Variants in ABCC5 observed in about 807,000 individuals in gnomAD.
ABCC5 encodes ATP binding cassette subfamily C member 5.
Under a neutral mutation model 160.9 loss-of-function variants are expected in ABCC5, and 61 were observed. The observed-to-expected ratio is 0.38, with a 90% CI of 0.31 to 0.47. The LOEUF (loss-of-function observed/expected upper bound fraction) is 0.47, where lower values mean the gene tolerates loss of function less well. ABCC5 is among the 20% of genes least tolerant of loss of function. The pLI is 0.99. For synonymous variants in ABCC5, 666 were observed against 700.6 expected (o/e 0.95, Z 0.78); for missense variants, 1,308 against 1,813.3 (o/e 0.72, Z 5.06).
intron 17 of ABCC5, among the ~76,000 whole-genome samples, chr3:183,956,530 A>G (rs7633894): frequency 0.027 from 3,488 of 130,430 alleles, 66 homozygotes; most frequent in African/African-American, 0.039. Context: ...GGTTACATGC[A>G]GATCAGTGTG....
rs73884817 is a variant in ABCC5 at position 183,996,688 on chromosome 3, T to C, written c.130-7305A>G. Among the ~76,000 whole-genome samples, 284 of 152,340 alleles carry C rather than the reference T, an allele frequency of 1.9e-3. 1 individual carries two copies. The highest frequency in any genetic ancestry group is 6.6e-3 in the African/African-American group (273 of 41,582). The stretch of plus-strand genomic sequence containing the variant: ...TTAGAACAGGCACTCAGTGCAATTT[T>C]ATCCTAACAAACCCCCATAAAAGTG... On this transcript the variant is annotated intron_variant, in intron 2 of 29. Transcript: ENST00000334444.
In ABCC5 at chr3:183,967,679, A is replaced by G. The variant is rs772310365; in HGVS notation, c.1833+16T>C. On this transcript the variant is annotated intron_variant, in intron 12 of 29. Coordinates refer to ENST00000334444, the MANE Select transcript of ABCC5 (RefSeq NM_005688.4). ...CCAGAGAAAGCAGCAGAAAAGGACA[A>G]TAACAAAAATCTTACCTGGCCTAAA... 1 of 1,606,674 alleles carries G rather than the reference A, an allele frequency of 6.2e-7. No individual in the cohort carries two copies. The highest frequency in any genetic ancestry group is 1.3e-5 in the African/African-American group (1 of 74,716).
chr3:183,957,905 C>G (rs1716330661), intron 17 of ABCC5, among the ~76,000 whole-genome samples: 2 of 149,574 alleles, frequency 1.3e-5, no homozygotes, highest in Non-Finnish European at 3.0e-5. Flanking sequence ...CGGTTACATG[C>G]GGATCCGTGT....
Position 183,949,591 on chromosome 3 carries a change from A to C in ABCC5, c.3227+162T>G, listed in dbSNP as rs1267072061. ...CACTTGCTCAGAAAGGAGTCCCGCCAAGCAATTGGATTTTAATCAGAGATT... is the reference window on the plus strand; with the variant it reads ...CACTTGCTCAGAAAGGAGTCCCGCCCAGCAATTGGATTTTAATCAGAGATT... On this transcript the variant is annotated intron_variant, in intron 22 of 29. Transcript: ENST00000334444. The surrounding 1 kb of genome is among the most constrained non-coding windows in gnomAD (Gnocchi z 4.2). Among the ~76,000 whole-genome samples, 2 of 152,252 alleles carry C rather than the reference A, an allele frequency of 1.3e-5. No individual in the cohort carries two copies. Among genetic ancestry groups the C allele is most frequent in the Non-Finnish European group, 2.9e-5 (2 of 68,042 alleles).
chr3:183,955,912 A>G (rs916338783), intron 17 of ABCC5, among the ~76,000 whole-genome samples: 4 of 132,284 alleles, frequency 3.0e-5, no homozygotes, highest in South Asian at 2.5e-4. Context: ...ATATCACATC[A>G]GTTATATGCA....
intron 5 of ABCC5, 34 bp from the exon 6 acceptor site, chr3:183,983,041 T>A: frequency 6.5e-7 from 1 of 1,542,418 alleles, no homozygotes. Flanking sequence ...TGTCAACATC[T>A]CCACGGCACT....
chr3:184,014,235 G>A, intron 2 of ABCC5, 29 bp downstream of exon 2: 1 of 1,599,944 alleles, frequency 6.3e-7, no homozygotes. Flanking sequence ...CAACAAGCAG[G>A]TAAGAGACTC....
rs567130206 is a variant in ABCC5, at chr3:183,949,665, T to C, written c.3227+88A>G. ...TTGGTAATGAGGTTTATAATCCCCA[T>C]CTCTGGCCTTGAAGAGCCTCCCGGA... On this transcript the variant is annotated intron_variant, in intron 22 of 29. Transcript: ENST00000334444. The surrounding 1 kb of genome is among the most constrained non-coding windows in gnomAD (Gnocchi z 4.2). 2.7e-6 allele frequency: 4 copies of C among 1,499,628 alleles called. No individual in the cohort carries two copies. In the South Asian group the frequency reaches 3.8e-5, roughly 14 times the overall value. The allele number at this position is 1,499,628 out of a possible 1,614,324, so 92.9% of individuals were successfully genotyped here.
chr3:184,001,078 C>A (rs1720705617), intron 2 of ABCC5: 1 of 406,504 alleles, frequency 2.5e-6, no homozygotes, highest in Non-Finnish European at 4.4e-6. Flanking sequence ...CCCTCCAAAA[C>A]CCCATCACTA....
At position 183,971,933 on chromosome 3, in the gene ABCC5, T is replaced by A; in HGVS notation, c.1405-14A>T. 1.2e-6 allele frequency: 2 copies of A among 1,613,286 alleles called. No homozygotes were observed. Among genetic ancestry groups the A allele is most frequent in the Non-Finnish European group, 1.7e-6 (2 of 1,180,000 alleles). On this transcript the variant is annotated splice_polypyrimidine_tract_variant and intron_variant, in intron 10 of 29. Coordinates refer to ENST00000334444, the MANE Select transcript of ABCC5 (RefSeq NM_005688.4). Reference sequence around the variant, plus strand: ...TAGAAACAAACTCTGATAGGAGTTGTGAGAGAGGTGCAAAGATGAGACACT... The same window carrying A: ...TAGAAACAAACTCTGATAGGAGTTGAGAGAGAGGTGCAAAGATGAGACACT...
chr3:183,992,781 T>C (rs1266100419), intron 2 of ABCC5, among the ~76,000 whole-genome samples: 3 of 150,966 alleles, frequency 2.0e-5, no homozygotes, highest in Non-Finnish European at 4.4e-5. Context: ...AGAGCGAGAC[T>C]CCGTCTCAAA....
intron 2 of ABCC5, among the ~76,000 whole-genome samples, chr3:183,998,537 TAAC>T (rs1329395135): frequency 6.6e-6 from 1 of 152,186 alleles, no homozygotes; most frequent in Non-Finnish European, 1.5e-5. Flanking sequence ...TTAATCCTCA[TAAC>T]AACCCTTTGA....
rs1227437062 is a variant in ABCC5, at chr3:183,988,743, C to T, written c.288-16G>A. 7 of 1,610,602 alleles carry T rather than the reference C, an allele frequency of 4.3e-6. No homozygotes were observed. The East Asian group carries it at 6.7e-5, about 15-fold the overall frequency. On this transcript the variant is annotated splice_polypyrimidine_tract_variant and intron_variant, in intron 3 of 29. Coordinates refer to ENST00000334444, the MANE Select transcript of ABCC5 (RefSeq NM_005688.4). This position sits in a 1 kb window ranked among gnomAD's most constrained non-coding sequence, Gnocchi z 4.4. ...GTGCTGGTGTCTAAGGAGAGAAAAC[C>T]GAAATCACAAAGCTATCAACACGCA... is the stretch of plus-strand genomic sequence containing the variant.
intron 2 of ABCC5, among the ~76,000 whole-genome samples, chr3:183,990,088 C>G (rs2108871834): frequency 6.6e-6 from 1 of 150,726 alleles, no homozygotes; most frequent in East Asian, 2.0e-4. Context: ...CAGGCATGAG[C>G]CACCGCGCCC....
At chr3:183,956,159 A>C (rs371526326) in intron 17 of ABCC5, among the ~76,000 whole-genome samples, 8 of 46,484 alleles carry the variant, frequency 1.7e-4, no homozygotes, top group Admixed American at 4.1e-4. Context: ...TCCGTGTGTA[A>C]ATCACATCGG....
At chr3:184,010,075 G>C in intron 2 of ABCC5, 2 of 322,210 alleles carry the variant, frequency 6.2e-6, no homozygotes, top group South Asian at 2.6e-5. Context: ...GGGAGGCCAA[G>C]GCAGGCGGAT....
intron 26 of ABCC5, among the ~76,000 whole-genome samples, chr3:183,933,499 C>T (rs1467590549): frequency 6.6e-6 from 1 of 152,060 alleles, no homozygotes; most frequent in Non-Finnish European, 1.5e-5. Flanking sequence ...AAGCTAGGGC[C>T]ATGAGACAGA....
Position 183,965,248 on chromosome 3 carries a change from A to C in ABCC5, c.1968T>G (p.Ser656=). The C allele has an allele frequency of 6.2e-7, 1 of 1,614,252 alleles. No homozygotes were observed. ...GKEYDEERYN[S]VLNSCCLRPD... ...GCCTCAGGCAGCAGCTGTTCAGCAC[A>C]GAGTTGTATCTGGAGGACACAAAGA... The change falls in exon 14 of 30, where the codon TCT becomes TCG. Residue 656 remains serine (S), a synonymous_variant. Coordinates refer to ENST00000334444, the MANE Select transcript of ABCC5 (RefSeq NM_005688.4).
chr3:183,993,891 C>T (rs992078400), intron 2 of ABCC5, among the ~76,000 whole-genome samples: 1 of 151,782 alleles, frequency 6.6e-6, no homozygotes, highest in African/African-American at 2.4e-5. Context: ...GTCTAAAAAT[C>T]ACTACTAGAA....
Sources: allele counts gnomAD v4.1 joint callset (sites outside exome capture counted in the v4.1 genomes callset), GRCh38; gene constraint gnomAD v4.1.1; non-coding constraint Gnocchi (gnomAD v3.1); transcripts MANE v1.5; gene names NCBI Gene and HGNC (gene_info 2026-07-23, HGNC 2026-07-21).